Variants in WFDC9 observed in about 807,000 individuals in gnomAD.
The protein encoded by WFDC9 is WAP four-disulfide core domain 9.
WFDC9 carries 9 observed loss-of-function variants against 9.5 expected under a neutral mutation model. The ratio of observed to expected loss-of-function variants is 0.95; its 90% CI spans 0.57 to 1.65. WFDC9 has a LOEUF of 1.65. Ranked by LOEUF, WFDC9 falls within the 40% of genes most tolerant of loss-of-function variation. The pLI is 0.00. For missense variants in WFDC9, 87 were observed against 106.7 expected, an observed-to-expected ratio of 0.82 and a Z score of 0.81; for synonymous variants, 33 against 32.3, an observed-to-expected ratio of 1.02 and a Z score of -0.07.
chr20:45,617,441 C>T (rs1004826133), intron 1 of WFDC9, among the ~76,000 whole-genome samples: 5 of 152,088 alleles, frequency 3.3e-5, no homozygotes, highest in South Asian at 2.1e-4. Context: ...GGTGACAGAG[C>T]GAGACTCCAT....
intron 1 of WFDC9, among the ~76,000 whole-genome samples, chr20:45,626,938 A>G (rs1406553199): frequency 6.6e-6 from 1 of 152,158 alleles, no homozygotes; most frequent in Non-Finnish European, 1.5e-5. Context: ...CGTTAAGTAT[A>G]TTGTTAGCTG....
chr20:45,613,481 T>C (rs963864734), intron 2 of WFDC9, among the ~76,000 whole-genome samples: 2 of 152,206 alleles, frequency 1.3e-5, no homozygotes, highest in Non-Finnish European at 2.9e-5. Context: ...TAGGCACATG[T>C]CATTAGATGT....
At chr20:45,627,349 G>T (rs975230690) in intron 1 of WFDC9, among the ~76,000 whole-genome samples, 5 of 148,356 alleles carry the variant, frequency 3.4e-5, no homozygotes, top group Non-Finnish European at 7.4e-5. Flanking sequence ...GAGCTAAGAA[G>T]AATTCCTGCC....
At chr20:45,608,168 A>G in intron 4 of WFDC9, 28 bp from the exon 5 acceptor site, 1 of 1,605,254 alleles carries the variant, frequency 6.2e-7, no homozygotes, top group Non-Finnish European at 8.5e-7. Flanking sequence ...GTCAAAAGTC[A>G]AGAATCCTGG....
intron 2 of WFDC9, among the ~76,000 whole-genome samples, chr20:45,610,739 A>T (rs1981842331): frequency 1.3e-5 from 2 of 152,230 alleles, no homozygotes; most frequent in African/African-American, 4.8e-5. Context: ...GACTTGAGAA[A>T]AGATGATGGC....
intron 1 of WFDC9, chr20:45,629,777 C>T (rs1982310155): frequency 1.2e-6 from 2 of 1,603,862 alleles, no homozygotes; most frequent in Admixed American, 1.7e-5. Flanking sequence ...TCTGTGACAA[C>T]CTGGCCAGAC....
At chr20:45,625,327 A>G (rs1982193034) in intron 1 of WFDC9, among the ~76,000 whole-genome samples, 1 of 152,226 alleles carries the variant, frequency 6.6e-6, no homozygotes, top group Admixed American at 6.5e-5. Flanking sequence ...TGGGGATTAG[A>G]GTTCAAGATG....
intron 1 of WFDC9, among the ~76,000 whole-genome samples, chr20:45,616,953 G>A (rs1302044027): frequency 6.6e-6 from 1 of 152,152 alleles, no homozygotes; most frequent in Non-Finnish European, 1.5e-5. Context: ...CAGCTGCATT[G>A]GCCCCTAGCA....
intron 1 of WFDC9, among the ~76,000 whole-genome samples, chr20:45,619,064 T>C (rs1360164455): frequency 6.6e-6 from 1 of 152,160 alleles, no homozygotes; most frequent in Non-Finnish European, 1.5e-5. Context: ...TACAAAGAGC[T>C]TTGGAACCAA....
chr20:45,631,034 G>A (rs1487322), intron 1 of WFDC9, 169 bp downstream of exon 1: 6 of 1,578,744 alleles, frequency 3.8e-6, no homozygotes, highest in Non-Finnish European at 5.2e-6. Flanking sequence ...AGAGTGGGCT[G>A]GGATGTGCAT....
At chr20:45,630,833 A>C (rs1462366603) in intron 1 of WFDC9, 1 of 1,538,566 alleles carries the variant, frequency 6.5e-7, no homozygotes, top group Non-Finnish European at 8.7e-7. Flanking sequence ...GTTCTCTAGG[A>C]AACTGCGTTT....
intron 1 of WFDC9, among the ~76,000 whole-genome samples, chr20:45,626,813 C>T (rs563765920): frequency 2.0e-5 from 3 of 152,216 alleles, no homozygotes; most frequent in Admixed American, 1.3e-4. Context: ...TCCAGTACTA[C>T]GTTGAATAAG....
chr20:45,628,316 C>G (rs1300755574), intron 1 of WFDC9, among the ~76,000 whole-genome samples: 1 of 152,162 alleles, frequency 6.6e-6, no homozygotes, highest in African/African-American at 2.4e-5. Context: ...GCTCTAGAAC[C>G]TTGTTGTCAT....
chr20:45,628,049 T>G (rs1982261103), intron 1 of WFDC9, among the ~76,000 whole-genome samples: 1 of 152,142 alleles, frequency 6.6e-6, no homozygotes, highest in Non-Finnish European at 1.5e-5. Flanking sequence ...ATCAATAATT[T>G]GAATGTATAA....
At chr20:45,611,971 C>A (rs1220283211) in intron 2 of WFDC9, among the ~76,000 whole-genome samples, 2 of 152,120 alleles carry the variant, frequency 1.3e-5, no homozygotes, top group Non-Finnish European at 2.9e-5. Flanking sequence ...CCAACCCCAC[C>A]AACTCCTAGC....
At chr20:45,615,799 T>C (rs924888972) in intron 1 of WFDC9, among the ~76,000 whole-genome samples, 16 of 152,204 alleles carry the variant, frequency 1.1e-4, no homozygotes, top group Admixed American at 2.6e-4. Context: ...TTATTACTTA[T>C]TAAAATATTA....
intron 1 of WFDC9, among the ~76,000 whole-genome samples, chr20:45,623,030 G>A (rs1458383692): frequency 6.6e-6 from 1 of 152,192 alleles, no homozygotes; most frequent in Non-Finnish European, 1.5e-5. Context: ...AAATGGCTCA[G>A]GAGTGAGGGG....
rs1326764982 is a variant in WFDC9 at position 45,608,129 on chromosome 20, T to G, written c.251A>C (p.Lys84Thr). The G allele has an allele frequency of 6.2e-7, 1 of 1,612,576 alleles. No individual in the cohort carries two copies. Among genetic ancestry groups the G allele is most frequent in the African/African-American group, 1.3e-5 (1 of 74,814 alleles). Residue 84 changes from lysine (K) to threonine (T), a missense_variant, in exon 5 of 5, where the codon AAA becomes ACA. Lys to Thr is a moderately conservative substitution (Grantham distance 78, BLOSUM62 -1). Transcript: ENST00000326000. ...TAGAATCTAGGGGTTTAGCATTGAT[T>G]TAAGGGGCTCTCTAGAAGAGAAAAG... is the stretch of plus-strand genomic sequence containing the variant. Reference protein sequence around the residue: ...NICLDNEEPLKSMLNP With the variant: ...NICLDNEEPLTSMLNP
chr20:45,629,811 G>C (rs1172192420), intron 1 of WFDC9: 1 of 1,613,488 alleles, frequency 6.2e-7, no homozygotes, highest in African/African-American at 1.3e-5. Context: ...TCTGATCAGA[G>C]TCATGGCACC....
Sources: allele counts gnomAD v4.1 joint callset (sites outside exome capture counted in the v4.1 genomes callset), GRCh38; gene constraint gnomAD v4.1.1; transcripts MANE v1.5; gene names NCBI Gene and HGNC (gene_info 2026-07-23, HGNC 2026-07-21).